The following CRKL variants were observed in gnomAD, a reference collection of about 807,000 sequenced individuals.
The protein encoded by CRKL is CRK like proto-oncogene, adaptor protein.
A neutral mutation model predicts 23.0 loss-of-function variants in CRKL; 3 were observed. That is an observed-to-expected ratio of 0.13 (90% CI 0.06 to 0.34). The LOEUF (loss-of-function observed/expected upper bound fraction) is 0.34, where lower values mean the gene tolerates loss of function less well. Among genes scored for constraint, CRKL ranks in the 10% least tolerant of loss-of-function variants. The pLI, the probability that CRKL is intolerant of heterozygous loss-of-function variation, is 1.00. For missense variants in CRKL, 256 were observed against 394.5 expected (o/e 0.65, Z 2.97); for synonymous variants, 188 against 160.7 (o/e 1.17, Z -1.28).
intron 2 of CRKL, among the ~76,000 whole-genome samples, chr22:20,946,035 T>C (rs1922042187): frequency 6.6e-6 from 1 of 152,216 alleles, no homozygotes; most frequent in African/African-American, 2.4e-5. Flanking sequence ...GCATACAACT[T>C]CGCAGGATGT....
chr22:20,934,845 A>C (rs1204460562), intron 2 of CRKL, among the ~76,000 whole-genome samples: 1 of 117,018 alleles, frequency 8.5e-6, no homozygotes, highest in African/African-American at 3.5e-5. Context: ...ATGGAGTCTC[A>C]CTCTGTCGCC....
intron 2 of CRKL, among the ~76,000 whole-genome samples, chr22:20,943,663 T>C (rs1429078615): frequency 6.6e-6 from 1 of 152,220 alleles, no homozygotes; most frequent in Non-Finnish European, 1.5e-5. Flanking sequence ...AAGGTTATTC[T>C]TTCCCTGTTG....
chr22:20,918,815 C>T (rs1417297036), intron 1 of CRKL, among the ~76,000 whole-genome samples: 1 of 152,168 alleles, frequency 6.6e-6, no homozygotes, highest in African/African-American at 2.4e-5. Context: ...TGGTCTCGAT[C>T]TCTTGCCCTC....
At chr22:20,925,871 A>G (rs1921183396) in intron 1 of CRKL, among the ~76,000 whole-genome samples, 1 of 152,240 alleles carries the variant, frequency 6.6e-6, no homozygotes, top group African/African-American at 2.4e-5. Context: ...TGATATATAG[A>G]GGCCTACAAT....
chr22:20,927,179 A>ATC (rs1429968958), intron 1 of CRKL, among the ~76,000 whole-genome samples: 1 of 115,050 alleles, frequency 8.7e-6, no homozygotes, highest in Non-Finnish European at 1.7e-5. Context: ...TACTTAGCTC[A>ATC]TCTTGGAATT....
At chr22:20,947,912 G>A (rs955427105) in intron 2 of CRKL, among the ~76,000 whole-genome samples, 1 of 151,580 alleles carries the variant, frequency 6.6e-6, no homozygotes, top group Non-Finnish European at 1.5e-5. Context: ...TTGAACTCCT[G>A]GGCTCAAGTG....
intron 2 of CRKL, among the ~76,000 whole-genome samples, chr22:20,941,582 A>G (rs868330293): frequency 0.014 from 158 of 11,678 alleles, 2 homozygotes; most frequent in African/African-American, 0.032. Context: ...GTGTGTGTAT[A>G]TATATATTTT....
intron 2 of CRKL, among the ~76,000 whole-genome samples, chr22:20,936,964 G>A (rs1029074465): frequency 1.3e-5 from 2 of 151,684 alleles, no homozygotes; most frequent in African/African-American, 4.8e-5. Flanking sequence ...GGGCTCAAGC[G>A]ATTCTTCTGC....
intron 2 of CRKL, among the ~76,000 whole-genome samples, chr22:20,949,013 C>T (rs1922171677): frequency 2.0e-5 from 3 of 152,144 alleles, no homozygotes; most frequent in Non-Finnish European, 2.9e-5. Context: ...TTTAACCATT[C>T]TCAGAATCAT....
intron 2 of CRKL, among the ~76,000 whole-genome samples, chr22:20,938,735 GAAGA>G (rs1647421083): frequency 6.6e-6 from 1 of 152,072 alleles, no homozygotes; most frequent in African/African-American, 2.4e-5. Flanking sequence ...GACTAAAACG[GAAGA>G]AATAGCAACT....
chr22:20,924,078 C>G (rs1433591509), intron 1 of CRKL, among the ~76,000 whole-genome samples: 1 of 152,092 alleles, frequency 6.6e-6, no homozygotes, highest in African/African-American at 2.4e-5. Context: ...GTCCCAGCTA[C>G]TTGGGAGGCT....
chr22:20,924,565 A>G (rs1921124006), intron 1 of CRKL, among the ~76,000 whole-genome samples: 1 of 152,198 alleles, frequency 6.6e-6, no homozygotes, highest in Non-Finnish European at 1.5e-5. Flanking sequence ...AGAAAAATAC[A>G]AGAACATGGC....
At chr22:20,927,681 A>G (rs541064946) in intron 1 of CRKL, among the ~76,000 whole-genome samples, 2 of 150,144 alleles carry the variant, frequency 1.3e-5, no homozygotes, top group Admixed American at 6.7e-5. Flanking sequence ...TGTCTCTACT[A>G]AAAAGACAAA....
chr22:20,929,722 A>G (rs776546012), intron 1 of CRKL, among the ~76,000 whole-genome samples: 31 of 152,186 alleles, frequency 2.0e-4, no homozygotes, highest in Admixed American at 1.0e-3. Flanking sequence ...CGGCCTTCCA[A>G]AGTGCTAGGA....
rs2147904764 is a variant in CRKL at position 20,933,871 on chromosome 22, C to G, written c.404C>G (p.Pro135Arg). Reference protein sequence around the residue: ...LEYVRTLYDFPGNDAEDLPFK... With the variant: ...LEYVRTLYDFRGNDAEDLPFK... ...TATGTACGGACTCTGTATGATTTTC[C>G]TGGGAATGATGCCGAAGACCTGCCC... The change falls in exon 2 of 3, where the codon CCT becomes CGT. Residue 135 changes from proline (P) to arginine (R), a missense_variant. Pro to Arg is a moderately radical substitution (Grantham distance 103, BLOSUM62 -2). This residue lies in a region of CRKL where 129 missense variants were observed against 222.1 expected (regional missense o/e 0.58). Coordinates refer to ENST00000354336, the MANE Select transcript of CRKL (RefSeq NM_005207.4). 1 of 1,614,114 alleles carries G rather than the reference C, an allele frequency of 6.2e-7. No individual in the cohort carries two copies. The highest frequency in any genetic ancestry group is 8.5e-7 in the Non-Finnish European group (1 of 1,180,030).
chr22:20,921,139 G>A (rs778057366), intron 1 of CRKL, among the ~76,000 whole-genome samples: 48 of 152,126 alleles, frequency 3.2e-4, no homozygotes, highest in Non-Finnish European at 4.7e-4. Context: ...ATGCTTCTTC[G>A]CATCCCAAAC....
chr22:20,930,285 CT>C (rs1417959903), intron 1 of CRKL, among the ~76,000 whole-genome samples: 2 of 152,168 alleles, frequency 1.3e-5, no homozygotes, highest in Non-Finnish European at 2.9e-5. Context: ...ATATTTTCAG[CT>C]TTTCCATAGA....
At chr22:20,938,292 A>ATTT (rs1921738259) in intron 2 of CRKL, among the ~76,000 whole-genome samples, 1 of 152,142 alleles carries the variant, frequency 6.6e-6, no homozygotes, top group Non-Finnish European at 1.5e-5. Flanking sequence ...CCTGTAAGTA[A>ATTT]AGAGATATTT....
rs375222775 is a variant in CRKL, at chr22:20,951,358, A to T, written c.*1513A>T. On this transcript the variant is annotated 3_prime_UTR_variant, in exon 3 of 3. Transcript: ENST00000354336. ...TCTTAGTGTTTTAGTGACTAGGGAG[A>T]CCATTAACTAGTTTATCATTAACCA... 63 of 231,760 alleles carry T rather than the reference A, an allele frequency of 2.7e-4. No individual in the cohort carries two copies. The highest frequency in any genetic ancestry group is 1.3e-3 in the African/African-American group (58 of 45,374). 14.4% of individuals were successfully genotyped at this position (231,760 alleles called of 1,614,324 possible).
Sources: gnomAD v4.1 joint callset for allele counts (sites outside exome capture counted in the v4.1 genomes callset) on GRCh38, gnomAD v4.1.1 for gene constraint, gnomAD v4.1.1 regional missense constraint, MANE v1.5 for transcripts, NCBI Gene and HGNC (gene_info 2026-07-23, HGNC 2026-07-21) for gene names.